ASTN2: variants seen among roughly 807,000 people sequenced by gnomAD.
ASTN2 encodes the protein astrotactin 2.
In ASTN2, 54 loss-of-function variants were observed where a neutral mutation model predicts 139.8. The ratio of observed to expected loss-of-function variants is 0.39; its 90% CI spans 0.31 to 0.48. The LOEUF is 0.48. Ranked by LOEUF, ASTN2 falls within the 20% of genes least tolerant of loss-of-function variation. The pLI is 0.95. For missense variants in ASTN2, 1,565 were observed against 1,725.1 expected (o/e 0.91, Z 1.64); for synonymous variants, 756 against 719.5 (o/e 1.05, Z -0.81).
intron 13 of ASTN2, among the ~76,000 whole-genome samples, chr9:116,792,755 C>A (rs917014544): frequency 6.6e-6 from 1 of 152,122 alleles, no homozygotes; most frequent in Non-Finnish European, 1.5e-5. Flanking sequence ...ATCTCTAGTG[C>A]CATTGGCCTT....
chr9:116,881,198 T>G (rs754989999), intron 10 of ASTN2, among the ~76,000 whole-genome samples: 4 of 152,176 alleles, frequency 2.6e-5, no homozygotes, highest in African/African-American at 4.8e-5. Flanking sequence ...AAGTGTGGGA[T>G]GGGTGGGAGA....
chr9:116,624,838 T>G (rs1443344348), intron 17 of ASTN2, among the ~76,000 whole-genome samples: 2 of 151,452 alleles, frequency 1.3e-5, no homozygotes, highest in Non-Finnish European at 2.9e-5. Context: ...CCATAACAAA[T>G]GAAGCGGGAA....
At chr9:116,747,663 C>A (rs1829280724) in intron 13 of ASTN2, among the ~76,000 whole-genome samples, 1 of 151,622 alleles carries the variant, frequency 6.6e-6, no homozygotes. Context: ...TCTTTACTGC[C>A]CACCCTCATT....
chr9:117,133,021 A>G (rs961345663), intron 4 of ASTN2, among the ~76,000 whole-genome samples: 3 of 152,200 alleles, frequency 2.0e-5, no homozygotes, highest in African/African-American at 7.2e-5. Flanking sequence ...CAGTTTCTCT[A>G]AAGATCCTCC....
chr9:116,956,094 C>CTTT (rs71379245), intron 10 of ASTN2, among the ~76,000 whole-genome samples: 26 of 119,134 alleles, frequency 2.2e-4, no homozygotes, highest in Non-Finnish European at 3.0e-4. Context: ...TTTTTCTTTT[C>CTTT]TTTTTTTTTT....
chr9:116,973,986 A>G (rs760018223), intron 10 of ASTN2, among the ~76,000 whole-genome samples: 3 of 152,220 alleles, frequency 2.0e-5, no homozygotes, highest in Admixed American at 2.0e-4. Flanking sequence ...TTCTGTCAAG[A>G]TGCCATAGAA....
rs1283601825 is a variant in ASTN2, at chr9:117,033,483, T to C, written c.1423+6336A>G. 2.0e-5 allele frequency among the ~76,000 whole-genome samples: 3 copies of C among 152,148 alleles called. No homozygotes were observed. In the South Asian group the frequency reaches 6.2e-4, roughly 31 times the overall value. ...ACTGCTATTATCCCCAATTTATAGATAATGTAACTGAAGCTTAAAATGTTT... is the reference window on the plus strand; with the variant it reads ...ACTGCTATTATCCCCAATTTATAGACAATGTAACTGAAGCTTAAAATGTTT... On this transcript the variant is annotated intron_variant, in intron 6 of 22. Coordinates refer to ENST00000313400, the MANE Select transcript of ASTN2 (RefSeq NM_001365068.1).
At chr9:117,251,356 C>A (rs1286104833) in intron 2 of ASTN2, among the ~76,000 whole-genome samples, 1 of 151,912 alleles carries the variant, frequency 6.6e-6, no homozygotes, top group African/African-American at 2.4e-5. Flanking sequence ...CATTCTCTAT[C>A]CCATTACCCT....
intron 19 of ASTN2, among the ~76,000 whole-genome samples, chr9:116,607,443 T>C (rs1380374107): frequency 1.3e-5 from 2 of 152,132 alleles, no homozygotes; most frequent in African/African-American, 2.4e-5. Flanking sequence ...TGTCACTGTC[T>C]TCAATCTTCT....
chr9:116,921,493 C>T (rs10983407), intron 10 of ASTN2, among the ~76,000 whole-genome samples: 60 of 149,436 alleles, frequency 4.0e-4, no homozygotes, highest in Non-Finnish European at 1.6e-4. Context: ...GAGGCTGAGG[C>T]AGGAGAATGG....
intron 19 of ASTN2, among the ~76,000 whole-genome samples, chr9:116,580,029 T>C (rs985264465): frequency 2.5e-4 from 38 of 152,144 alleles, no homozygotes; most frequent in African/African-American, 9.2e-4. Context: ...ACCATGTTGA[T>C]CAGGTTGGTC....
At chr9:117,250,759 G>A (rs932811460) in intron 2 of ASTN2, among the ~76,000 whole-genome samples, 2 of 152,174 alleles carry the variant, frequency 1.3e-5, no homozygotes, top group African/African-American at 2.4e-5. Flanking sequence ...TGTCATTCCT[G>A]TGGACAGTGC....
At chr9:117,303,062 C>T (rs1834914692) in intron 1 of ASTN2, among the ~76,000 whole-genome samples, 1 of 152,150 alleles carries the variant, frequency 6.6e-6, no homozygotes, top group African/African-American at 2.4e-5. Context: ...GAGCCCAGTT[C>T]AAAATGCCCT....
chr9:117,146,710 C>T (rs747743498), intron 3 of ASTN2, among the ~76,000 whole-genome samples: 27 of 151,858 alleles, frequency 1.8e-4, no homozygotes, highest in African/African-American at 5.6e-4. Flanking sequence ...GTATACCGCT[C>T]GGGCAATGAG....
chr9:117,191,414 T>G (rs373102907), intron 3 of ASTN2, among the ~76,000 whole-genome samples: 1 of 152,212 alleles, frequency 6.6e-6, no homozygotes, highest in South Asian at 2.1e-4. Flanking sequence ...TAGTAAAAAG[T>G]TACTGTGGCT....
At chr9:116,514,848 C>A (rs772369607) in intron 19 of ASTN2, among the ~76,000 whole-genome samples, 1 of 152,220 alleles carries the variant, frequency 6.6e-6, no homozygotes, top group South Asian at 2.1e-4. Flanking sequence ...ATTGGAAAAG[C>A]GCAGTATTAG....
At chr9:116,510,288 G>C (rs886306441) in intron 19 of ASTN2, among the ~76,000 whole-genome samples, 3 of 152,108 alleles carry the variant, frequency 2.0e-5, no homozygotes, top group African/African-American at 7.2e-5. Context: ...TCTTGCTCTT[G>C]TCAGGTTTGT....
chr9:116,784,133 C>T (rs567568633), intron 13 of ASTN2, among the ~76,000 whole-genome samples: 12 of 152,272 alleles, frequency 7.9e-5, no homozygotes, highest in Admixed American at 6.5e-4. Flanking sequence ...TGGATCAAGA[C>T]TGCACTCTAC....
At chr9:117,008,054 T>C in intron 7 of ASTN2, 38 bp downstream of exon 7, 1 of 1,515,948 alleles carries the variant, frequency 6.6e-7, no homozygotes, top group East Asian at 2.4e-5. Flanking sequence ...ACCCAGCCTC[T>C]CCCACCTTCT....
Sources: allele counts gnomAD v4.1 joint callset (sites outside exome capture counted in the v4.1 genomes callset), GRCh38; gene constraint gnomAD v4.1.1; transcripts MANE v1.5; gene names NCBI Gene and HGNC (gene_info 2026-07-23, HGNC 2026-07-21).